Variants in BCAS3 observed in about 807,000 individuals in gnomAD.
BCAS3 encodes the protein BCAS4/BCAS3 fusion.
In BCAS3, 53 loss-of-function variants were observed where a neutral mutation model predicts 116.1. That is an observed-to-expected ratio of 0.46 (90% CI 0.37 to 0.57). The LOEUF is 0.57. Among genes scored for constraint, BCAS3 ranks in the 20% least tolerant of loss-of-function variants. BCAS3 has a pLI of 0.00. For missense variants in BCAS3, 917 were observed against 1,165.4 expected, an observed-to-expected ratio of 0.79 and a Z score of 3.10; for synonymous variants, 391 against 408.2, an observed-to-expected ratio of 0.96 and a Z score of 0.51.
intron 7 of BCAS3, among the ~76,000 whole-genome samples, chr17:60,859,805 G>A (rs1182814719): frequency 6.6e-6 from 1 of 152,030 alleles, no homozygotes; most frequent in Non-Finnish European, 1.5e-5. Context: ...CTGACCTCAG[G>A]TGATCCACCT....
intron 14 of BCAS3, among the ~76,000 whole-genome samples, chr17:60,976,435 A>G (rs990973822): frequency 1.4e-5 from 2 of 139,038 alleles, no homozygotes; most frequent in African/African-American, 5.9e-5. Flanking sequence ...CAATATATAT[A>G]TATATATTTT....
chr17:61,054,480 C>T (rs933801391), intron 19 of BCAS3, among the ~76,000 whole-genome samples: 1 of 152,170 alleles, frequency 6.6e-6, no homozygotes, highest in African/African-American at 2.4e-5. Flanking sequence ...GATTCTCGTG[C>T]CTCAGCCTCC....
intron 6 of BCAS3, among the ~76,000 whole-genome samples, chr17:60,789,629 A>T (rs1039781416): frequency 6.6e-6 from 1 of 152,174 alleles, no homozygotes; most frequent in South Asian, 2.1e-4. Flanking sequence ...ATCATGGTAC[A>T]TTCTGTTAAA....
intron 22 of BCAS3, among the ~76,000 whole-genome samples, chr17:61,089,103 A>C (rs1199389330): frequency 6.6e-6 from 1 of 152,184 alleles, no homozygotes; most frequent in Non-Finnish European, 1.5e-5. Context: ...CTCAAGAGAA[A>C]TACTACTTTT....
Position 61,015,770 on chromosome 17 carries a change from C to G in BCAS3, c.1506C>G (p.Asp502Glu). Residue 502 changes from aspartate (D) to glutamate (E), a missense_variant, in exon 16 of 24, where the codon GAC (aspartate) becomes GAG (glutamate). Coordinates refer to ENST00000407086, the MANE Select transcript of BCAS3 (RefSeq NM_017679.5). ...SPLHGKLNSQ[D>E]SYNNFTNNNP... ...TTGTAGGGAAACTGAACAGCCAAGA[C>G]TCCTATAACAATTTTACCAACAACA... 1 of 1,613,898 alleles carries G rather than the reference C, an allele frequency of 6.2e-7. No individual in the cohort carries two copies. The highest frequency in any genetic ancestry group is 8.5e-7 in the Non-Finnish European group (1 of 1,179,914).
At chr17:61,091,704 T>C (rs2073583732) in intron 22 of BCAS3, among the ~76,000 whole-genome samples, 1 of 152,164 alleles carries the variant, frequency 6.6e-6, no homozygotes, top group Non-Finnish European at 1.5e-5. Flanking sequence ...AAGGCTAAAG[T>C]AAATAATCAA....
chr17:60,785,911 ACAGTGT>A (rs2046245391), intron 6 of BCAS3, among the ~76,000 whole-genome samples: 1 of 152,218 alleles, frequency 6.6e-6, no homozygotes, highest in Non-Finnish European at 1.5e-5. Context: ...CCTATACAAT[ACAGTGT>A]AATAACCATT....
rs939012915 is a variant in BCAS3, at chr17:60,863,067, A to G, written c.477-5509A>G. The stretch of plus-strand genomic sequence containing the variant: ...ACATAGTTTTTGCTATTATATTTTT[A>G]GACTTATGATCCATTTTGAGTTTGT... On this transcript the variant is annotated intron_variant, in intron 7 of 23. Transcript: ENST00000407086. Among the ~76,000 whole-genome samples, 5 of 152,266 alleles carry G rather than the reference A, an allele frequency of 3.3e-5. No individual in the cohort carries two copies. In the South Asian group the frequency reaches 1.0e-3, roughly 32 times the overall value.
intron 22 of BCAS3, among the ~76,000 whole-genome samples, chr17:61,342,077 A>G (rs1602865687): frequency 6.6e-6 from 1 of 151,066 alleles, no homozygotes; most frequent in African/African-American, 2.4e-5. Context: ...ATCTCGGCTC[A>G]CTGCAACCTC....
intron 22 of BCAS3, among the ~76,000 whole-genome samples, chr17:61,238,860 G>A (rs761322795): frequency 6.6e-6 from 1 of 152,164 alleles, no homozygotes; most frequent in African/African-American, 2.4e-5. Flanking sequence ...ACTGAAACGT[G>A]TGTCCCAGAG....
At chr17:61,170,011 C>T (rs756865133) in intron 22 of BCAS3, among the ~76,000 whole-genome samples, 2 of 151,848 alleles carry the variant, frequency 1.3e-5, no homozygotes, top group African/African-American at 2.4e-5. Context: ...GATGCCACCT[C>T]GCCTGGCTGA....
In BCAS3 at chr17:61,056,575, C is replaced by G. The variant is rs3785868; in HGVS notation, c.2029+15683C>G. Among the ~76,000 whole-genome samples the G allele has an allele frequency of 0.1, 15,294 of 151,810 alleles. 2,320 individuals are homozygous for G. Among genetic ancestry groups the G allele is most frequent in the African/African-American group, 0.33 (13,742 of 41,358 alleles). On this transcript the variant is annotated intron_variant, in intron 19 of 23. Transcript: ENST00000407086. The surrounding 1 kb of genome is among the most constrained non-coding windows in gnomAD (Gnocchi z 4.9). ...ATGCAGGCTTTGTATTAACAAAGCCCTATTCCCCTTAGAACTTACTGATGT... is the reference window on the plus strand; with the variant it reads ...ATGCAGGCTTTGTATTAACAAAGCCGTATTCCCCTTAGAACTTACTGATGT...
chr17:60,854,194 CA>C (rs759679398), intron 7 of BCAS3, among the ~76,000 whole-genome samples: 1 of 152,086 alleles, frequency 6.6e-6, no homozygotes, highest in Non-Finnish European at 1.5e-5. Flanking sequence ...TGATGGTTTC[CA>C]GCTTCATCCA....
At chr17:61,052,172 C>T (rs547845749) in intron 19 of BCAS3, among the ~76,000 whole-genome samples, 27 of 151,912 alleles carry the variant, frequency 1.8e-4, no homozygotes, top group African/African-American at 5.3e-4. Flanking sequence ...TTTTTGGACC[C>T]CAGTTTTATT....
intron 22 of BCAS3, among the ~76,000 whole-genome samples, chr17:61,119,314 A>T (rs562192408): frequency 1.2e-4 from 19 of 152,318 alleles, no homozygotes; most frequent in African/African-American, 4.6e-4. Context: ...ATAAAATACC[A>T]ACAAACCAAA....
chr17:61,321,240 T>G (rs1302696497), intron 22 of BCAS3, among the ~76,000 whole-genome samples: 1 of 152,202 alleles, frequency 6.6e-6, no homozygotes, highest in South Asian at 2.1e-4. Flanking sequence ...ATCCTCTGAA[T>G]AGATATGGCA....
chr17:60,875,844 A>G (rs1028541757), intron 9 of BCAS3, among the ~76,000 whole-genome samples: 1 of 152,014 alleles, frequency 6.6e-6, no homozygotes, highest in Admixed American at 6.6e-5. Flanking sequence ...ATATATACAT[A>G]TATATAATTA....
At chr17:61,094,878 A>G (rs1446862572) in intron 22 of BCAS3, among the ~76,000 whole-genome samples, 2 of 152,240 alleles carry the variant, frequency 1.3e-5, no homozygotes, top group Non-Finnish European at 2.9e-5. Flanking sequence ...AAGTAGTGAT[A>G]TTAACTAATA....
Position 61,315,028 on chromosome 17 carries a change from T to C in BCAS3, c.2426-53299T>C, listed in dbSNP as rs896831896. On this transcript the variant is annotated intron_variant, in intron 22 of 23. Transcript: ENST00000407086. This position sits in a 1 kb window ranked among gnomAD's most constrained non-coding sequence, Gnocchi z 5.3. ...TCCTCTTCACCCATCCGAGGAACAGTGTGCCTGGAAAATGCCTTGAATCCT... is the reference window on the plus strand; with the variant it reads ...TCCTCTTCACCCATCCGAGGAACAGCGTGCCTGGAAAATGCCTTGAATCCT... 6.6e-6 allele frequency among the ~76,000 whole-genome samples: 1 copy of C among 152,128 alleles called. No homozygotes were observed. The highest frequency in any genetic ancestry group is 1.5e-5 in the Non-Finnish European group (1 of 68,028).
Sources: gnomAD v4.1 joint callset for allele counts (sites outside exome capture counted in the v4.1 genomes callset) on GRCh38, gnomAD v4.1.1 for gene constraint, Gnocchi (gnomAD v3.1) non-coding constraint, MANE v1.5 for transcripts, NCBI Gene and HGNC (gene_info 2026-07-23, HGNC 2026-07-21) for gene names.